Variants in FRMPD4 observed in about 807,000 individuals in gnomAD.
The protein encoded by FRMPD4 is FERM and PDZ domain-containing protein 4.
A neutral mutation model predicts 94.1 loss-of-function variants in FRMPD4; 22 were observed. The ratio of observed to expected loss-of-function variants is 0.23; its 90% confidence interval spans 0.17 to 0.33. The LOEUF (loss-of-function observed/expected upper bound fraction) is 0.33. FRMPD4 is among the 10% of genes least tolerant of loss of function. The pLI, the probability that FRMPD4 is intolerant of heterozygous loss-of-function variation, is 1.00. For synonymous variants in FRMPD4, 631 were observed against 548.6 expected, an observed-to-expected ratio of 1.15 and a Z score of -2.10; for missense variants, 1,111 against 1,339.9, an observed-to-expected ratio of 0.83 and a Z score of 2.67.
At chrX:12,422,051 T>C (rs2056890487) in intron 1 of FRMPD4, among the ~76,000 whole-genome samples, 1 of 112,570 alleles carries the variant, frequency 8.9e-6, no homozygotes, top group Admixed American at 9.4e-5. Context: ...ACATTTTTGG[T>C]ATGTAAAACA....
At chrX:12,148,547 G>A (rs2055803504) in intron 1 of FRMPD4, among the ~76,000 whole-genome samples, 1 of 112,518 alleles carries the variant, frequency 8.9e-6, no homozygotes, top group African/African-American at 3.2e-5. Flanking sequence ...AAAGCGGCAA[G>A]TGCTAATGGA....
chrX:12,148,172 G>T (rs1189348475), intron 1 of FRMPD4, among the ~76,000 whole-genome samples: 1 of 112,386 alleles, frequency 8.9e-6, no homozygotes, highest in East Asian at 2.8e-4. Flanking sequence ...CGGAAGGCAT[G>T]TTGAAAGCTG....
intron 3 of FRMPD4, among the ~76,000 whole-genome samples, chrX:12,051,489 T>C (rs1220211090): frequency 1.8e-5 from 2 of 111,861 alleles, no homozygotes; most frequent in Non-Finnish European, 3.8e-5. Context: ...ATATAATAAA[T>C]TAGAATACTT....
At chrX:12,679,435 G>T (rs1314077071) in intron 5 of FRMPD4, among the ~76,000 whole-genome samples, 29 of 111,953 alleles carry the variant, frequency 2.6e-4, no homozygotes. Context: ...GAGCCTGTGG[G>T]CAAATGCCTT....
At chrX:12,427,912 T>C (rs1449808498) in intron 1 of FRMPD4, among the ~76,000 whole-genome samples, 1 of 74,959 alleles carries the variant, frequency 1.3e-5, no homozygotes, top group South Asian at 7.6e-4. Context: ...TTTTTTTTTT[T>C]TTTTTTTTTT....
At chrX:11,918,871 T>C (rs1180864028) in intron 3 of FRMPD4, among the ~76,000 whole-genome samples, 1 of 112,107 alleles carries the variant, frequency 8.9e-6, no homozygotes, top group African/African-American at 3.2e-5. Context: ...AGGCTGAAAC[T>C]GAGACGGCAG....
intron 1 of FRMPD4, among the ~76,000 whole-genome samples, chrX:12,153,814 T>C (rs1406010824): frequency 8.9e-6 from 1 of 112,596 alleles, no homozygotes; most frequent in Non-Finnish European, 1.9e-5. Context: ...GTGTTTGTGT[T>C]AAGCTAAGAA....
At chrX:11,988,381 C>A (rs1229055615) in intron 3 of FRMPD4, among the ~76,000 whole-genome samples, 1 of 111,839 alleles carries the variant, frequency 8.9e-6, no homozygotes, top group East Asian at 2.8e-4. Flanking sequence ...AATTGGATAT[C>A]CATATGCAGA....
In FRMPD4 at chrX:12,027,006, TATAGCCTTC is replaced by T. The variant is rs775845461; in HGVS notation, c.95+148992_95+149000del. Among the ~76,000 whole-genome samples the T allele has an allele frequency of 3.1e-3, 346 of 112,123 alleles. 1 individual carries two copies. The highest frequency in any genetic ancestry group is 6.8e-3 in the South Asian group (18 of 2,663). ...TCCCATATAGTATAGGAATTTGCTC[TATAGCCTTC>T]ATAACTGGTGATTTTCCAACTTCTG... On this transcript the variant is annotated intron_variant, in intron 3 of 18. Coordinates refer to the FRMPD4 transcript ENST00000640291.
intron 1 of FRMPD4, among the ~76,000 whole-genome samples, chrX:12,285,385 G>A (rs972020935): frequency 8.9e-6 from 1 of 111,903 alleles, no homozygotes; most frequent in Non-Finnish European, 1.9e-5. Flanking sequence ...GTGGGGCAGG[G>A]TTGGGTATCA....
intron 1 of FRMPD4, among the ~76,000 whole-genome samples, chrX:12,176,834 A>G (rs1055956897): frequency 1.8e-5 from 2 of 112,294 alleles, no homozygotes; most frequent in African/African-American, 6.5e-5. Context: ...GTAAACCATT[A>G]GATGAGTTTC....
intron 3 of FRMPD4, among the ~76,000 whole-genome samples, chrX:11,976,810 A>G (rs765967616): frequency 2.7e-5 from 3 of 112,284 alleles, no homozygotes; most frequent in Admixed American, 1.9e-4. Context: ...AATGGCTGTG[A>G]TTCAGCAGCC....
At chrX:12,176,236 T>G (rs1158550965) in intron 1 of FRMPD4, among the ~76,000 whole-genome samples, 1 of 111,915 alleles carries the variant, frequency 8.9e-6, no homozygotes, top group East Asian at 2.8e-4. Context: ...TCAAAAGAAG[T>G]CCCTTAGGTG....
At position 12,325,282 on chromosome X, in the gene FRMPD4, C is replaced by T. The variant is rs1183145109; in HGVS notation, c.42-173398C>T. On this transcript the variant is annotated intron_variant, in intron 1 of 16. Transcript: ENST00000675598. ...TGGAATGTATCTAAGCTGAATAACT[C>T]AATTTCACTTTGAGGCAGTTTTAAC... Among the ~76,000 whole-genome samples, 4 of 112,411 alleles carry T rather than the reference C, an allele frequency of 3.6e-5. No homozygotes were observed. The East Asian group carries it at 1.1e-3, about 31-fold the overall frequency.
intron 3 of FRMPD4, among the ~76,000 whole-genome samples, chrX:12,071,320 G>A (rs1355613141): frequency 9.0e-6 from 1 of 110,542 alleles, no homozygotes; most frequent in Admixed American, 9.7e-5. Flanking sequence ...TTAAATGACA[G>A]GAACCATGAC....
At chrX:12,041,279 T>C (rs1041150852) in intron 3 of FRMPD4, among the ~76,000 whole-genome samples, 4 of 112,367 alleles carry the variant, frequency 3.6e-5, no homozygotes, top group African/African-American at 1.3e-4. Flanking sequence ...TTTCTTCCTA[T>C]GAATTTGACT....
chrX:12,396,250 T>G (rs1365714915), intron 1 of FRMPD4: 1 of 112,049 alleles, frequency 8.9e-6, no homozygotes, highest in Non-Finnish European at 1.9e-5. Context: ...GAGAGCTCCT[T>G]GAAGTTGTTT....
chrX:12,476,342 A>G (rs750352838), intron 1 of FRMPD4, among the ~76,000 whole-genome samples: 26 of 112,231 alleles, frequency 2.3e-4, no homozygotes, highest in Admixed American at 1.1e-3. Flanking sequence ...GAAATGTTAG[A>G]CCTAAAACCA....
chrX:12,339,471 A>G (rs1173077518), intron 1 of FRMPD4, among the ~76,000 whole-genome samples: 1 of 112,051 alleles, frequency 8.9e-6, no homozygotes, highest in Admixed American at 9.4e-5. Context: ...ACCACTGTCC[A>G]TGTTCAGGTA....
Sources: allele counts gnomAD v4.1 joint callset (sites outside exome capture counted in the v4.1 genomes callset), GRCh38; gene constraint gnomAD v4.1.1; transcripts MANE v1.5; gene names NCBI Gene and HGNC (gene_info 2026-07-23, HGNC 2026-07-21).